The following PCSK6 variants were observed in gnomAD, a reference collection of about 807,000 sequenced individuals.
PCSK6 encodes the protein proprotein convertase subtilisin/kexin type 6.
Under a neutral mutation model 123.3 loss-of-function variants are expected in PCSK6, and 85 were observed. The ratio of observed to expected loss-of-function variants is 0.69; its 90% CI spans 0.58 to 0.83. PCSK6 has a LOEUF of 0.83. PCSK6 is among the 40% of genes least tolerant of loss of function. The pLI is 0.00. For synonymous variants in PCSK6, 508 were observed against 516.0 expected (o/e 0.98, Z 0.21); for missense variants, 1,191 against 1,282.3 (o/e 0.93, Z 1.09).
intron 19 of PCSK6, among the ~76,000 whole-genome samples, chr15:101,316,625 G>A (rs1315075112): frequency 6.6e-6 from 1 of 152,250 alleles, no homozygotes; most frequent in Admixed American, 6.5e-5. Context: ...GCTGCCAGCG[G>A]GTGGAACCCA....
chr15:101,465,275 A>AC (rs2057431067), intron 1 of PCSK6, among the ~76,000 whole-genome samples: 1 of 151,314 alleles, frequency 6.6e-6, no homozygotes, highest in Non-Finnish European at 1.5e-5. Context: ...ACACACGCTG[A>AC]CCTCCCACTG....
At chr15:101,359,239 C>T (rs566278956) in intron 13 of PCSK6, among the ~76,000 whole-genome samples, 2 of 152,302 alleles carry the variant, frequency 1.3e-5, no homozygotes, top group Non-Finnish European at 2.9e-5. Context: ...TGTGTCCCCG[C>T]CCCCCAAATT....
intron 11 of PCSK6, among the ~76,000 whole-genome samples, chr15:101,372,870 G>T (rs996889880): frequency 1.3e-5 from 2 of 152,046 alleles, no homozygotes; most frequent in South Asian, 2.1e-4. Context: ...TGAAGACACG[G>T]TCCCCACACT....
chr15:101,434,838 C>T (rs995640208), intron 2 of PCSK6, among the ~76,000 whole-genome samples: 2 of 152,194 alleles, frequency 1.3e-5, no homozygotes, highest in Admixed American at 6.5e-5. Flanking sequence ...CAGTCACTCC[C>T]TTGCTTCTCA....
At chr15:101,339,301 A>T (rs927042074) in intron 13 of PCSK6, among the ~76,000 whole-genome samples, 2 of 152,190 alleles carry the variant, frequency 1.3e-5, no homozygotes, top group South Asian at 4.1e-4. Context: ...TGCAGGAAGA[A>T]ATTCCTTAAT....
intron 1 of PCSK6, among the ~76,000 whole-genome samples, chr15:101,468,858 T>G (rs2057531063): frequency 6.6e-6 from 1 of 152,222 alleles, no homozygotes; most frequent in South Asian, 2.1e-4. Flanking sequence ...CACGGAGGTT[T>G]AAGTTTATGC....
intron 19 of PCSK6, 50 bp from the exon 20 acceptor site, chr15:101,313,555 C>A: frequency 6.4e-7 from 1 of 1,555,178 alleles, no homozygotes. Flanking sequence ...TGGCAGAAGA[C>A]CATGCCCCAG....
Position 101,430,059 on chromosome 15 carries a change from G to A in PCSK6, c.662C>T (p.Ser221Phe), listed in dbSNP as rs771764587. The A allele has an allele frequency of 4.3e-5, 70 of 1,613,394 alleles. No individual in the cohort carries two copies. Among genetic ancestry groups the A allele is most frequent in the Non-Finnish European group, 5.7e-5 (67 of 1,179,462 alleles). The change falls in exon 5 of 22, where the codon TCC becomes TTC. Residue 221 changes from serine to phenylalanine, a missense_variant. Around this residue, in one of 3 missense-constraint regions of PCSK6, gnomAD observed 357 missense variants for 484.5 expected, o/e 0.74. Transcript: ENST00000611716. ...GCCGTTCACGTCGTAGCTGGCGTAGGAATCCTAAGAAATGGAATCGTGGTG... is the reference window on the plus strand; with the variant it reads ...GCCGTTCACGTCGTAGCTGGCGTAGAAATCCTAAGAAATGGAATCGTGGTG... ...NHPDLAPNYD[S>F]YASYDVNGND...
intron 13 of PCSK6, among the ~76,000 whole-genome samples, chr15:101,363,855 G>C (rs906777213): frequency 2.0e-5 from 3 of 151,714 alleles, no homozygotes; most frequent in African/African-American, 7.3e-5. Flanking sequence ...AGCCAGGATG[G>C]TCTCGATCTC....
chr15:101,316,910 G>GT (rs57613156), intron 19 of PCSK6, among the ~76,000 whole-genome samples: 3,584 of 114,846 alleles, frequency 0.031, 140 homozygotes, highest in East Asian at 0.073. Flanking sequence ...ACTTAATTCT[G>GT]TTTTTTTTTT....
intron 13 of PCSK6, chr15:101,347,420 A>G: frequency 8.1e-7 from 1 of 1,238,768 alleles, no homozygotes; most frequent in Non-Finnish European, 1.0e-6. Flanking sequence ...TTTAGGATGA[A>G]TAAAGGGAAA....
At chr15:101,395,559 G>C (rs2042386243) in intron 7 of PCSK6, among the ~76,000 whole-genome samples, 1 of 152,228 alleles carries the variant, frequency 6.6e-6, no homozygotes, top group African/African-American at 2.4e-5. Flanking sequence ...AGCCAGGTCT[G>C]AGGAGTGTAG....
intron 1 of PCSK6, among the ~76,000 whole-genome samples, chr15:101,474,790 C>T (rs1317721259): frequency 6.6e-6 from 1 of 152,190 alleles, no homozygotes; most frequent in Non-Finnish European, 1.5e-5. Context: ...GATCTGCTAA[C>T]ACTGTTTTGC....
chr15:101,483,623 G>A (rs1386546324), intron 1 of PCSK6, among the ~76,000 whole-genome samples: 2 of 152,202 alleles, frequency 1.3e-5, no homozygotes, highest in Non-Finnish European at 2.9e-5. Context: ...TTGGTATGTG[G>A]AGAATACCTT....
At chr15:101,443,470 A>T in intron 2 of PCSK6, 86 bp downstream of exon 2, 1 of 881,504 alleles carries the variant, frequency 1.1e-6, no homozygotes, top group Non-Finnish European at 1.9e-6. Flanking sequence ...TCTATCCAGA[A>T]TCACATTAAA....
At chr15:101,437,372 T>TG (rs2056631160) in intron 2 of PCSK6, among the ~76,000 whole-genome samples, 1 of 152,172 alleles carries the variant, frequency 6.6e-6, no homozygotes, top group South Asian at 2.1e-4. Context: ...CAGGCTGCCA[T>TG]GGCAAACACA....
At chr15:101,311,291 T>C in intron 20 of PCSK6, among the ~76,000 whole-genome samples, 1 of 151,112 alleles carries the variant, frequency 6.6e-6, no homozygotes, top group Non-Finnish European at 1.5e-5. Context: ...TTGCATTTTT[T>C]TTTTTTTTTT....
intron 5 of PCSK6, among the ~76,000 whole-genome samples, chr15:101,429,040 C>T (rs1469024430): frequency 1.3e-5 from 2 of 152,208 alleles, no homozygotes; most frequent in Non-Finnish European, 2.9e-5. Flanking sequence ...CCGAGGCTTC[C>T]TGCACAGCAT....
At position 101,356,546 on chromosome 15, in the gene PCSK6, G is replaced by A. The variant is rs564131042; in HGVS notation, c.1858+9650C>T. 2.0e-5 allele frequency among the ~76,000 whole-genome samples: 3 copies of A among 151,114 alleles called. No individual in the cohort carries two copies. The South Asian group carries it at 6.3e-4, about 32-fold the overall frequency. ...AAAAAAAAAATTAGCCAGATGTGGT[G>A]GCAGATGCCTGTAATCCCAGCTACT... On this transcript the variant is annotated intron_variant, in intron 13 of 21. Transcript: ENST00000611716.
Sources: gnomAD v4.1 joint callset for allele counts (sites outside exome capture counted in the v4.1 genomes callset) on GRCh38, gnomAD v4.1.1 for gene constraint, gnomAD v4.1.1 regional missense constraint, MANE v1.5 for transcripts, NCBI Gene and HGNC (gene_info 2026-07-23, HGNC 2026-07-21) for gene names.